The following WTAP variants were observed in gnomAD, a reference collection of about 807,000 sequenced individuals.
WTAP encodes pre-mRNA-splicing regulator WTAP.
In WTAP, 8 loss-of-function variants were observed where a neutral mutation model predicts 50.0. That is an observed-to-expected ratio of 0.16 (90% CI 0.09 to 0.29). WTAP has a LOEUF of 0.29. Ranked by LOEUF, WTAP falls within the 10% of genes least tolerant of loss-of-function variation. The pLI is 1.00. For missense variants in WTAP, 295 were observed against 470.7 expected (o/e 0.63, Z 3.45); for synonymous variants, 194 against 169.0 (o/e 1.15, Z -1.15).
In WTAP at chr6:159,727,537, C is replaced by T. The variant is rs1009953556; in HGVS notation, c.-175C>T. The T allele has an allele frequency of 2.0e-6, 2 of 991,630 alleles. No individual in the cohort carries two copies. The highest frequency in any genetic ancestry group is 2.4e-6 in the Non-Finnish European group (2 of 834,758). 61.4% of individuals were successfully genotyped at this position (991,630 alleles called of 1,614,324 possible). ...CAGCGCCATTTTGTGGCAGCGAGAC[C>T]CACAAATAAAGGGGAGCGCAGGGGT... On this transcript the variant is annotated 5_prime_UTR_variant, in exon 1 of 8. Coordinates refer to ENST00000621533, the MANE Select transcript of WTAP (RefSeq NM_001270531.2).
intron 7 of WTAP, among the ~76,000 whole-genome samples, chr6:159,753,880 A>G (rs1308272773): frequency 6.6e-6 from 1 of 152,220 alleles, no homozygotes; most frequent in African/African-American, 2.4e-5. Context: ...GGTAAAAGAT[A>G]AAAGGGTGTT....
At chr6:159,741,051 T>A (rs1779228093) in intron 3 of WTAP, among the ~76,000 whole-genome samples, 1 of 152,230 alleles carries the variant, frequency 6.6e-6, no homozygotes. Context: ...GATTATAAAA[T>A]GGTTTTCTAA....
chr6:159,727,010 G>C, upstream of WTAP: 2 of 1,248,982 alleles, frequency 1.6e-6, no homozygotes, highest in South Asian at 1.3e-5. Flanking sequence ...CCCTCCGCAC[G>C]AGGCAGCCCC....
intron 2 of WTAP, among the ~76,000 whole-genome samples, chr6:159,738,300 A>G (rs1182405244): frequency 6.6e-6 from 1 of 152,218 alleles, no homozygotes; most frequent in Admixed American, 6.5e-5. Flanking sequence ...TATAATTGTT[A>G]CTTCAGAGTG....
At chr6:159,743,920 G>C in intron 5 of WTAP, 128 bp downstream of exon 5, 1 of 1,040,952 alleles carries the variant, frequency 9.6e-7, no homozygotes, top group Non-Finnish European at 1.3e-6. Flanking sequence ...CGTATGCTTT[G>C]AGCTTTAAGA....
chr6:159,737,249 A>G (rs1182858695), intron 2 of WTAP, among the ~76,000 whole-genome samples: 2 of 152,032 alleles, frequency 1.3e-5, no homozygotes, highest in Non-Finnish European at 2.9e-5. Flanking sequence ...GGGTTTTACC[A>G]TGTTGCCCAG....
intron 3 of WTAP, among the ~76,000 whole-genome samples, chr6:159,739,680 A>G (rs1236037104): frequency 6.6e-6 from 1 of 152,204 alleles, no homozygotes; most frequent in Non-Finnish European, 1.5e-5. Context: ...ATAAAAATAA[A>G]ATAAGTATTT....
At chr6:159,727,048 T>C (rs991655083), upstream of WTAP, 3 of 1,220,176 alleles carry the variant, frequency 2.5e-6, no homozygotes, top group South Asian at 4.3e-5. Flanking sequence ...CGGCGAGTAC[T>C]TCCACCTTCC....
At chr6:159,742,933 G>T (rs938696129) in intron 4 of WTAP, among the ~76,000 whole-genome samples, 2 of 152,152 alleles carry the variant, frequency 1.3e-5, no homozygotes, top group African/African-American at 4.8e-5. Context: ...AGCCCGGGAG[G>T]TCAAGGCTGC....
At chr6:159,740,727 C>CA (rs1779204931) in intron 3 of WTAP, among the ~76,000 whole-genome samples, 2 of 137,358 alleles carry the variant, frequency 1.5e-5, no homozygotes, top group Non-Finnish European at 3.1e-5. Context: ...TTTTTTAAGA[C>CA]AGAGTCTCGC....
chr6:159,727,741 ACCT>A lies in WTAP; in HGVS notation c.-9+41_-9+43del, dbSNP rs765364134. The A allele has an allele frequency of 1.7e-3, 1,629 of 984,268 alleles. 1 individual carries two copies. Among genetic ancestry groups the A allele is most frequent in the South Asian group, 7.0e-3 (149 of 21,264 alleles). 61.0% of individuals were successfully genotyped at this position (984,268 alleles called of 1,614,324 possible). Reference sequence around the variant, plus strand: ...CGGCTGGCGGGAGCGGACGCGGGGGACCTCCGGGGCCTGAGGGCTGATGCGCAG... The same window carrying A: ...CGGCTGGCGGGAGCGGACGCGGGGGACCGGGGCCTGAGGGCTGATGCGCAG... On this transcript the variant is annotated intron_variant, in intron 1 of 7. Transcript: ENST00000621533.
At chr6:159,732,251 A>G (rs1250552856) in intron 1 of WTAP, among the ~76,000 whole-genome samples, 1 of 152,222 alleles carries the variant, frequency 6.6e-6, no homozygotes, top group African/African-American at 2.4e-5. Flanking sequence ...ATAAGCTGGA[A>G]TTTATATTGA....
rs78795459 is a variant in WTAP, at chr6:159,741,586, G to A, written c.87-502G>A. 355 of 152,942 alleles carry A rather than the reference G, an allele frequency of 2.3e-3. 1 individual carries two copies. The highest frequency in any genetic ancestry group is 0.013 in the Middle Eastern group (4 of 300). 9.5% of individuals were successfully genotyped at this position (152,942 alleles called of 1,614,324 possible). On this transcript the variant is annotated intron_variant, in intron 3 of 7. Transcript: ENST00000621533. ...TGAATCTGGGGTTTGATCTCACCCA[G>A]GGCATGCTTGGCATGTTCTCAGCAG...
rs1158059307 is a variant in WTAP, at chr6:159,736,263, A to G, written c.-3A>G. On this transcript the variant is annotated 5_prime_UTR_variant, in exon 2 of 8. Transcript: ENST00000621533. ...TCCGCAACTTTTTTTTTTAGGATTC[A>G]AGATGACCAACGAAGAACCTCTTCC... 1 of 1,602,786 alleles carries G rather than the reference A, an allele frequency of 6.2e-7. No homozygotes were observed. Among genetic ancestry groups the G allele is most frequent in the East Asian group, 2.2e-5 (1 of 44,688 alleles).
chr6:159,749,021 A>G, intron 6 of WTAP: 1 of 1,003,698 alleles, frequency 1.0e-6, no homozygotes, highest in East Asian at 1.0e-4. Context: ...CCGTACAAGT[A>G]GCGCATATAT....
At chr6:159,738,859 A>T in intron 2 of WTAP, 131 bp from the exon 3 acceptor site, 1 of 566,908 alleles carries the variant, frequency 1.8e-6, no homozygotes, top group Non-Finnish European at 2.9e-6. Flanking sequence ...GTAATAAAAT[A>T]CTTTTTCAAA....
intron 3 of WTAP, among the ~76,000 whole-genome samples, chr6:159,739,579 A>G (rs772811081): frequency 3.9e-5 from 6 of 152,240 alleles, no homozygotes; most frequent in Non-Finnish European, 5.9e-5. Flanking sequence ...TTGTGTAAGA[A>G]ATCAGGAAGT....
chr6:159,738,939 C>A (rs1357642642), intron 2 of WTAP, 51 bp from the exon 3 acceptor site: 2 of 1,404,738 alleles, frequency 1.4e-6, no homozygotes, highest in Non-Finnish European at 2.0e-6. Flanking sequence ...CATTATAGAA[C>A]TTTGTGTCTT....
At chr6:159,729,108 T>C (rs1778407975) in intron 1 of WTAP, among the ~76,000 whole-genome samples, 1 of 152,226 alleles carries the variant, frequency 6.6e-6, no homozygotes. Context: ...GATGTGGAGA[T>C]GAGCATTGTC....
Sources: allele counts gnomAD v4.1 joint callset (sites outside exome capture counted in the v4.1 genomes callset), GRCh38; gene constraint gnomAD v4.1.1; transcripts MANE v1.5; gene names NCBI Gene and HGNC (gene_info 2026-07-23, HGNC 2026-07-21).